Variants in GPC6 observed in about 807,000 individuals in gnomAD.
GPC6 encodes glypican-6.
Under a neutral mutation model 55.2 loss-of-function variants are expected in GPC6, and 14 were observed. The observed-to-expected ratio is 0.25, with a 90% CI of 0.17 to 0.40. The LOEUF (loss-of-function observed/expected upper bound fraction) is 0.40. GPC6 is among the 10% of genes least tolerant of loss of function. The pLI, the probability that GPC6 is intolerant of heterozygous loss-of-function variation, is 1.00. For synonymous variants in GPC6, 278 were observed against 259.6 expected, an observed-to-expected ratio of 1.07 and a Z score of -0.68; for missense variants, 641 against 708.5, an observed-to-expected ratio of 0.90 and a Z score of 1.08.
chr13:93,373,976 A>G (rs1170750735), intron 1 of GPC6, among the ~76,000 whole-genome samples: 1 of 152,166 alleles, frequency 6.6e-6, no homozygotes, highest in African/African-American at 2.4e-5. Context: ...AGTGATTTCT[A>G]TATAAAATAT....
At chr13:93,273,378 G>T (rs925283570) in intron 1 of GPC6, among the ~76,000 whole-genome samples, 2 of 152,166 alleles carry the variant, frequency 1.3e-5, no homozygotes, top group Non-Finnish European at 2.9e-5. Flanking sequence ...CTGTACATAG[G>T]CTGGGCGCGG....
intron 2 of GPC6, among the ~76,000 whole-genome samples, chr13:93,613,357 T>C (rs556386745): frequency 6.6e-6 from 1 of 151,920 alleles, no homozygotes; most frequent in East Asian, 1.9e-4. Flanking sequence ...TGGTGGGGAG[T>C]CTGGGCTCTG....
rs148931650 is a variant in GPC6, at chr13:93,375,849, A to G, written c.160+148233A>G. Among the ~76,000 whole-genome samples the G allele has an allele frequency of 3.0e-3, 450 of 152,276 alleles. 1 individual carries two copies. The highest frequency in any genetic ancestry group is 0.01 in the African/African-American group (429 of 41,538). ...GAGGCCAGAAAGGTGGTTCTTCCCT[A>G]TTTCTAACTTTCCTAAAGCAAGAGG... is the stretch of plus-strand genomic sequence containing the variant. On this transcript the variant is annotated intron_variant, in intron 1 of 8. Transcript: ENST00000377047.
intron 2 of GPC6, among the ~76,000 whole-genome samples, chr13:93,694,864 G>A (rs1002149953): frequency 1.3e-5 from 2 of 151,830 alleles, no homozygotes; most frequent in African/African-American, 2.4e-5. Context: ...CATTCTCACT[G>A]GGCCTTGACC....
intron 4 of GPC6, among the ~76,000 whole-genome samples, chr13:94,259,486 T>G (rs1033454154): frequency 1.3e-4 from 20 of 152,356 alleles, no homozygotes; most frequent in Non-Finnish European, 1.6e-4. Context: ...CTATCTTTTT[T>G]TAAAAGCTAG....
At chr13:94,100,160 A>T (rs1190280426) in intron 4 of GPC6, among the ~76,000 whole-genome samples, 1 of 152,244 alleles carries the variant, frequency 6.6e-6, no homozygotes, top group African/African-American at 2.4e-5. Context: ...ATATTTACAG[A>T]TGAAGACAAT....
At chr13:94,286,990 C>T (rs1253253715) in intron 5 of GPC6, among the ~76,000 whole-genome samples, 1 of 152,130 alleles carries the variant, frequency 6.6e-6, no homozygotes, top group Non-Finnish European at 1.5e-5. Flanking sequence ...TGTATGAAGT[C>T]AAGCACACAT....
chr13:94,331,377 C>T (rs1877409131), intron 6 of GPC6, among the ~76,000 whole-genome samples: 1 of 152,038 alleles, frequency 6.6e-6, no homozygotes, highest in Admixed American at 6.6e-5. Flanking sequence ...TTTGCCCGTC[C>T]CTGATTTACA....
chr13:93,696,839 G>T (rs1882475642), intron 2 of GPC6, among the ~76,000 whole-genome samples: 1 of 151,926 alleles, frequency 6.6e-6, no homozygotes, highest in African/African-American at 2.4e-5. Context: ...GGCCAGGCTG[G>T]TCTCTAACTC....
chr13:94,062,793 G>A (rs1169121278), intron 4 of GPC6, among the ~76,000 whole-genome samples: 1 of 152,196 alleles, frequency 6.6e-6, no homozygotes, highest in Non-Finnish European at 1.5e-5. Flanking sequence ...AGCTTCTTCT[G>A]TTGGTCAGAA....
At chr13:93,389,238 C>T (rs1875520875) in intron 1 of GPC6, among the ~76,000 whole-genome samples, 1 of 151,996 alleles carries the variant, frequency 6.6e-6, no homozygotes, top group Non-Finnish European at 1.5e-5. Flanking sequence ...TGGCTTATGC[C>T]TGTAATCCCA....
chr13:93,469,691 A>G lies in GPC6; in HGVS notation c.161-75572A>G, dbSNP rs551166836. ...TAACTCCAGATGACAAAGATCTTCT[A>G]TCTGTTCCTCTAAAGGTTTTATGGT... is the stretch of plus-strand genomic sequence containing the variant. On this transcript the variant is annotated intron_variant, in intron 1 of 8. Transcript: ENST00000377047. Among the ~76,000 whole-genome samples the G allele has an allele frequency of 6.6e-5, 10 of 152,300 alleles. 1 individual carries two copies. The highest frequency in any genetic ancestry group is 2.2e-4 in the African/African-American group (9 of 41,574).
At chr13:94,388,482 G>T (rs991762139) in intron 7 of GPC6, among the ~76,000 whole-genome samples, 2 of 152,166 alleles carry the variant, frequency 1.3e-5, no homozygotes, top group African/African-American at 4.8e-5. Context: ...CACAGCCTTC[G>T]CAATGCAGAA....
chr13:93,359,011 C>T (rs1368819397), intron 1 of GPC6, among the ~76,000 whole-genome samples: 2 of 149,968 alleles, frequency 1.3e-5, no homozygotes, highest in African/African-American at 2.5e-5. Context: ...ACTTTTTGCC[C>T]AGGCTGGAGT....
chr13:93,759,678 C>A (rs1398436163), intron 2 of GPC6, among the ~76,000 whole-genome samples: 1 of 152,074 alleles, frequency 6.6e-6, no homozygotes, highest in Non-Finnish European at 1.5e-5. Flanking sequence ...TCCTAAATAT[C>A]TTATTTTCAG....
chr13:94,172,220 A>T (rs889101087), intron 4 of GPC6, among the ~76,000 whole-genome samples: 1 of 152,096 alleles, frequency 6.6e-6, no homozygotes, highest in Admixed American at 6.6e-5. Context: ...AACAAGTAAG[A>T]TATCACTGAA....
chr13:93,638,477 T>C (rs1489314467), intron 2 of GPC6, among the ~76,000 whole-genome samples: 1 of 152,128 alleles, frequency 6.6e-6, no homozygotes, highest in African/African-American at 2.4e-5. Context: ...ATTTTGAAAA[T>C]GCATTCCAAA....
intron 2 of GPC6, among the ~76,000 whole-genome samples, chr13:93,597,007 CAAA>C (rs10709473): frequency 2.9e-5 from 2 of 68,062 alleles, no homozygotes; most frequent in Non-Finnish European, 6.9e-5. Context: ...TCAAATCTGG[CAAA>C]AAAAAAAAAA....
chr13:93,501,486 C>G (rs1191128699), intron 1 of GPC6, among the ~76,000 whole-genome samples: 1 of 152,142 alleles, frequency 6.6e-6, no homozygotes, highest in Non-Finnish European at 1.5e-5. Flanking sequence ...TTCAGACTGT[C>G]AAAGTTGACA....
Sources: gnomAD v4.1 joint callset for allele counts (sites outside exome capture counted in the v4.1 genomes callset) on GRCh38, gnomAD v4.1.1 for gene constraint, MANE v1.5 for transcripts, NCBI Gene and HGNC (gene_info 2026-07-23, HGNC 2026-07-21) for gene names.